Variants in FRMD4A observed in about 807,000 individuals in gnomAD.
FRMD4A encodes FERM domain containing 4A.
In FRMD4A, 29 loss-of-function variants were observed where a neutral mutation model predicts 129.1. The observed-to-expected ratio is 0.22, with a 90% CI of 0.17 to 0.31. FRMD4A has a LOEUF of 0.31. Ranked by LOEUF, FRMD4A falls within the 10% of genes least tolerant of loss-of-function variation. The pLI is 1.00. For synonymous variants in FRMD4A, 634 were observed against 571.6 expected (o/e 1.11, Z -1.56); for missense variants, 1,272 against 1,375.8 (o/e 0.92, Z 1.19).
Position 13,884,220 on chromosome 10 carries a change from A to ACTCACACACACTCTCACACACACACTCT in FRMD4A, c.46-25309_46-25308insAGAGTGTGTGTGTGAGAGTGTGTGTGAG. 3.9e-5 allele frequency among the ~76,000 whole-genome samples: 3 copies of ACTCACACACACTCTCACACACACACTCT among 77,590 alleles called. 1 individual carries two copies. In the South Asian group the frequency reaches 1.4e-3, roughly 37 times the overall value. The allele number at this position is 77,590 out of a possible 152,430, so 50.9% of individuals were successfully genotyped here. ...CTCACACACACACTCACACACACAC[A>ACTCACACACACTCTCACACACACACTCT]CACACACACACACACACACACTCCC... On this transcript the variant is annotated intron_variant, in intron 2 of 24. Coordinates refer to ENST00000357447, the MANE Select transcript of FRMD4A (RefSeq NM_018027.5).
At chr10:13,988,285 C>T (rs2095589528) in intron 2 of FRMD4A, among the ~76,000 whole-genome samples, 1 of 152,198 alleles carries the variant, frequency 6.6e-6, no homozygotes, top group Admixed American at 6.5e-5. Context: ...CGCAATTTGG[C>T]AAATGTGAAA....
intron 22 of FRMD4A, chr10:13,655,598 G>T (rs1036806826): frequency 6.6e-6 from 1 of 151,046 alleles, no homozygotes; most frequent in South Asian, 2.1e-4. Context: ...GGCTCGCTAG[G>T]GCATCCAGGT....
chr10:13,835,888 C>CCT (rs1039294712), intron 3 of FRMD4A, among the ~76,000 whole-genome samples: 1 of 152,168 alleles, frequency 6.6e-6, no homozygotes, highest in Non-Finnish European at 1.5e-5. Context: ...CAAACAGGTC[C>CCT]CTGGTGCCAA....
chr10:14,001,246 G>A (rs969028670), intron 2 of FRMD4A, among the ~76,000 whole-genome samples: 2 of 152,164 alleles, frequency 1.3e-5, no homozygotes, highest in African/African-American at 2.4e-5. Flanking sequence ...GTACAGATGG[G>A]TTCTTAAAAG....
intron 2 of FRMD4A, among the ~76,000 whole-genome samples, chr10:14,198,950 T>C (rs1047289399): frequency 1.3e-5 from 2 of 152,212 alleles, no homozygotes; most frequent in African/African-American, 4.8e-5. Context: ...AGTAGAGGGC[T>C]TGTCATTCAT....
intron 9 of FRMD4A, among the ~76,000 whole-genome samples, chr10:13,742,293 C>A (rs769788802): frequency 3.9e-5 from 6 of 152,176 alleles, no homozygotes; most frequent in Non-Finnish European, 8.8e-5. Context: ...AAGGGCAGAG[C>A]CAACCTGGGG....
chr10:13,910,888 G>GAAAAAAAAAAAAAA (rs141449954), intron 2 of FRMD4A, among the ~76,000 whole-genome samples: 1 of 83,100 alleles, frequency 1.2e-5, no homozygotes, highest in African/African-American at 5.0e-5. Flanking sequence ...GGAGTTTCAT[G>GAAAAAAAAAAAAAA]AAAAAAAAAA....
At chr10:13,772,164 T>A (rs933808506) in intron 6 of FRMD4A, among the ~76,000 whole-genome samples, 1 of 135,268 alleles carries the variant, frequency 7.4e-6, no homozygotes, top group African/African-American at 2.8e-5. Flanking sequence ...ATATAATATA[T>A]AATATATTAT....
At chr10:14,018,419 G>A (rs970177938) in intron 2 of FRMD4A, among the ~76,000 whole-genome samples, 2 of 123,802 alleles carry the variant, frequency 1.6e-5, no homozygotes, top group African/African-American at 3.3e-5. Flanking sequence ...TCGTGCCACT[G>A]CACTCCAGCC....
chr10:13,686,003 G>C (rs1338438759), intron 15 of FRMD4A, among the ~76,000 whole-genome samples: 2 of 152,208 alleles, frequency 1.3e-5, no homozygotes, highest in African/African-American at 4.8e-5. Flanking sequence ...TTTTGACTCA[G>C]GCCAGTCCTG....
chr10:13,814,620 AAG>A lies in FRMD4A; in HGVS notation c.112-3714_112-3713del, dbSNP rs1299390914. On this transcript the variant is annotated intron_variant, in intron 3 of 24. Transcript: ENST00000357447. ...AAAAAAAAAAAAAGAAAGAAAGGGA[AAG>A]AGAGAGAGAAAAAAAAGAAAGAAAG... is the stretch of plus-strand genomic sequence containing the variant. Among the ~76,000 whole-genome samples, 5 of 147,594 alleles carry A rather than the reference AAG, an allele frequency of 3.4e-5. No homozygotes were observed. In the East Asian group the frequency reaches 6.1e-4, roughly 18 times the overall value.
chr10:14,287,143 G>C (rs66546729), intron 2 of FRMD4A, among the ~76,000 whole-genome samples: 2,232 of 38,952 alleles, frequency 0.057, 50 homozygotes, highest in African/African-American at 0.22. Flanking sequence ...CAGGCCCCCC[G>C]CTCCGTGATG....
intron 2 of FRMD4A, among the ~76,000 whole-genome samples, chr10:14,005,282 A>G (rs2095658284): frequency 6.6e-6 from 1 of 152,152 alleles, no homozygotes; most frequent in Admixed American, 6.5e-5. Flanking sequence ...TCGGTCTCCC[A>G]AAGTGCTGGG....
intron 2 of FRMD4A, among the ~76,000 whole-genome samples, chr10:14,218,252 C>T (rs1457727197): frequency 1.3e-5 from 2 of 152,142 alleles, no homozygotes; most frequent in Non-Finnish European, 2.9e-5. Flanking sequence ...ACACAATGAT[C>T]CCCTTCTTAC....
At chr10:13,862,494 A>G (rs929197127) in intron 2 of FRMD4A, among the ~76,000 whole-genome samples, 2 of 152,228 alleles carry the variant, frequency 1.3e-5, no homozygotes, top group Non-Finnish European at 2.9e-5. Context: ...AATTTAAGGA[A>G]GTAACTATTT....
intron 2 of FRMD4A, among the ~76,000 whole-genome samples, chr10:13,928,174 C>G (rs2095155452): frequency 6.6e-6 from 1 of 151,978 alleles, no homozygotes; most frequent in African/African-American, 2.4e-5. Context: ...GTGCATTTCA[C>G]CATGCATAGC....
rs146968295 is a variant in FRMD4A at position 14,278,990 on chromosome 10, G to A, written c.45+51068C>T. ...TTGTTTTCCTTGGTTCATCACCTGG[G>A]TAAGGTATGGACACTGCTTTTCTCT... On this transcript the variant is annotated intron_variant, in intron 2 of 24. Transcript: ENST00000357447. Among the ~76,000 whole-genome samples the A allele has an allele frequency of 1.2e-3, 181 of 152,138 alleles. 1 individual carries two copies. Among genetic ancestry groups the A allele is most frequent in the African/African-American group, 4.0e-3 (164 of 41,490 alleles).
chr10:14,220,729 GGAGGCTTGGCAGC>G (rs1484757179), intron 2 of FRMD4A, among the ~76,000 whole-genome samples: 1 of 152,098 alleles, frequency 6.6e-6, no homozygotes, highest in Non-Finnish European at 1.5e-5. Context: ...GTGCCTCCAT[GGAGGCTTGGCAGC>G]CCTGGCATAC....
At chr10:14,273,696 G>T (rs959050299) in intron 2 of FRMD4A, among the ~76,000 whole-genome samples, 8 of 152,118 alleles carry the variant, frequency 5.3e-5, no homozygotes, top group African/African-American at 1.9e-4. Flanking sequence ...ATGGCTCGAG[G>T]TTCTAGGTGG....
Sources: gnomAD v4.1 joint callset for allele counts (sites outside exome capture counted in the v4.1 genomes callset) on GRCh38, gnomAD v4.1.1 for gene constraint, MANE v1.5 for transcripts, NCBI Gene and HGNC (gene_info 2026-07-23, HGNC 2026-07-21) for gene names.